Variants in TSHZ2 observed in about 807,000 individuals in gnomAD.
The protein encoded by TSHZ2 is teashirt homolog 2.
TSHZ2 carries 21 observed loss-of-function variants against 74.4 expected under a neutral mutation model. The ratio of observed to expected loss-of-function variants is 0.28; its 90% CI spans 0.20 to 0.41. TSHZ2 has a LOEUF of 0.41. TSHZ2 is among the 10% of genes least tolerant of loss of function. The pLI is 1.00. For missense variants in TSHZ2, 1,244 were observed against 1,293.5 expected, an observed-to-expected ratio of 0.96 and a Z score of 0.59; for synonymous variants, 540 against 515.3, an observed-to-expected ratio of 1.05 and a Z score of -0.65.
intron 1 of TSHZ2, among the ~76,000 whole-genome samples, chr20:53,105,446 A>T (rs1986334037): frequency 6.6e-6 from 1 of 152,060 alleles, no homozygotes; most frequent in African/African-American, 2.4e-5. Flanking sequence ...GATATTGCCA[A>T]ATGTCTCTTG....
chr20:52,995,611 CTTTTTTT>C (rs11469115), intron 1 of TSHZ2, among the ~76,000 whole-genome samples: 4 of 136,084 alleles, frequency 2.9e-5, no homozygotes, highest in Admixed American at 7.3e-5. Flanking sequence ...TTTTTCTTTC[CTTTTTTT>C]TTTTTTTTTT....
At position 53,254,853 on chromosome 20, in the gene TSHZ2, A is replaced by G; in HGVS notation, c.1395A>G (p.Lys465=). The change falls in exon 2 of 3, where the codon AAA becomes AAG. Residue 465 remains lysine, a synonymous_variant. Transcript: ENST00000371497. ...CAACTGAGTTAAAGAAAGAGAGTAA[A>G]AAAGAAAGGCCAGAGGAAACCAGCA... The part of the protein sequence containing the change: ...ASTTELKKES[K]KERPEETSKD... 6.2e-7 allele frequency: 1 copy of G among 1,614,138 alleles called. No homozygotes were observed. Among genetic ancestry groups the G allele is most frequent in the Non-Finnish European group, 8.5e-7 (1 of 1,180,024 alleles).
rs1337831594 is a variant in TSHZ2, at chr20:53,360,120, G to C, written c.*8+103549G>C. ...TTCATAGCCCTTGCTGAGTTTCTGT[G>C]CAATAGGAAAGCATCTTAATGAAAA... On this transcript the variant is annotated intron_variant, in intron 2 of 2. Coordinates refer to ENST00000371497, the MANE Select transcript of TSHZ2 (RefSeq NM_173485.6). 2.0e-5 allele frequency among the ~76,000 whole-genome samples: 3 copies of C among 152,192 alleles called. No homozygotes were observed. In the East Asian group the frequency reaches 5.8e-4, roughly 29 times the overall value.
chr20:53,190,093 A>G (rs1988693919), intron 1 of TSHZ2, among the ~76,000 whole-genome samples: 1 of 24,002 alleles, frequency 4.2e-5, no homozygotes. Context: ...TCAAATATAT[A>G]TATATATATA....
Position 53,484,382 on chromosome 20 carries a change from CTT to C in TSHZ2, c.*9-2742_*9-2741del, listed in dbSNP as rs10610067. On this transcript the variant is annotated intron_variant, in intron 2 of 2. Transcript: ENST00000371497. ...ACAAGTCACTTACTTTTATCTCTCTCTTTTTTTTTTTTTTTTTTTTTAAGACA... is the reference window on the plus strand; with the variant it reads ...ACAAGTCACTTACTTTTATCTCTCTCTTTTTTTTTTTTTTTTTTTAAGACA... Among the ~76,000 whole-genome samples the C allele has an allele frequency of 5.2e-3, 515 of 98,820 alleles. 4 individuals are homozygous for C. Among genetic ancestry groups the C allele is most frequent in the African/African-American group, 0.015 (388 of 25,326 alleles). 64.8% of individuals were successfully genotyped at this position (98,820 alleles called of 152,430 possible). A position where few individuals can be genotyped will look rare whatever the true frequency, so the allele number is the denominator to read the frequency against.
chr20:53,276,424 T>C (rs553767805), intron 2 of TSHZ2, among the ~76,000 whole-genome samples: 1 of 152,314 alleles, frequency 6.6e-6, no homozygotes, highest in Admixed American at 6.5e-5. Context: ...AGCAGCTGCG[T>C]AGATCTATCC....
At chr20:53,472,929 G>A (rs1015268454) in intron 2 of TSHZ2, among the ~76,000 whole-genome samples, 35 of 152,088 alleles carry the variant, frequency 2.3e-4, no homozygotes, top group Admixed American at 6.6e-4. Flanking sequence ...ACTCTCACCC[G>A]AATACTGCGC....
At chr20:53,055,509 C>T (rs1458604276) in intron 1 of TSHZ2, among the ~76,000 whole-genome samples, 2 of 152,114 alleles carry the variant, frequency 1.3e-5, no homozygotes, top group Non-Finnish European at 2.9e-5. Context: ...TGTAATCCTG[C>T]TGTTAGTTAT....
intron 1 of TSHZ2, among the ~76,000 whole-genome samples, chr20:53,056,636 T>C (rs1270746074): frequency 6.6e-6 from 1 of 152,186 alleles, no homozygotes; most frequent in African/African-American, 2.4e-5. Context: ...TATTCCTCCA[T>C]ACCAACTACA....
At chr20:53,352,006 A>G (rs1251519698) in intron 2 of TSHZ2, among the ~76,000 whole-genome samples, 1 of 152,336 alleles carries the variant, frequency 6.6e-6, no homozygotes, top group East Asian at 1.9e-4. Flanking sequence ...GACACATACT[A>G]TGTGCACCAT....
chr20:53,243,251 GAGA>G (rs1990114496), intron 1 of TSHZ2, among the ~76,000 whole-genome samples: 1 of 152,178 alleles, frequency 6.6e-6, no homozygotes. Context: ...AGGGAACAAG[GAGA>G]AGAATTTTCG....
intron 2 of TSHZ2, among the ~76,000 whole-genome samples, chr20:53,329,119 G>T (rs1479557921): frequency 6.6e-6 from 1 of 152,152 alleles, no homozygotes; most frequent in African/African-American, 2.4e-5. Flanking sequence ...TATAAACCAG[G>T]AATGTTTCTC....
chr20:53,244,545 A>T (rs2123701742), intron 1 of TSHZ2, among the ~76,000 whole-genome samples: 1 of 152,312 alleles, frequency 6.6e-6, no homozygotes, highest in South Asian at 2.1e-4. Context: ...TTCTCCATGA[A>T]TATTTTCTCA....
At chr20:53,125,707 C>T (rs891956353) in intron 1 of TSHZ2, among the ~76,000 whole-genome samples, 96 of 151,844 alleles carry the variant, frequency 6.3e-4, no homozygotes, top group Non-Finnish European at 4.9e-4. Context: ...ACCCAAACAC[C>T]TAATTATACA....
intron 2 of TSHZ2, among the ~76,000 whole-genome samples, chr20:53,271,234 G>GC (rs1990830615): frequency 6.6e-6 from 1 of 152,168 alleles, no homozygotes; most frequent in African/African-American, 2.4e-5. Context: ...CTGGAGTCTG[G>GC]CCCCAGGGCT....
rs1303379299 is a variant in TSHZ2 at position 53,255,270 on chromosome 20, A to G, written c.1812A>G (p.Ser604=). The G allele has an allele frequency of 6.2e-7, 1 of 1,614,256 alleles. No homozygotes were observed. The highest frequency in any genetic ancestry group is 2.2e-5 in the East Asian group (1 of 44,894). The change falls in exon 2 of 3, where the codon TCA becomes TCG. Residue 604 remains serine (S), a synonymous_variant. Transcript: ENST00000371497. This position sits in a 1 kb window ranked among gnomAD's most constrained non-coding sequence, Gnocchi z 4.1. The part of the protein sequence containing the change: ...LAPYTQVKKE[S]EDKDEAVKEC... Reference sequence around the variant, plus strand: ...CTTACACTCAAGTCAAGAAAGAGTCAGAAGACAAAGATGAAGCGGTGAAGG... The same window carrying G: ...CTTACACTCAAGTCAAGAAAGAGTCGGAAGACAAAGATGAAGCGGTGAAGG...
chr20:53,003,810 C>T (rs1568714736), intron 1 of TSHZ2, among the ~76,000 whole-genome samples: 1 of 152,136 alleles, frequency 6.6e-6, no homozygotes, highest in Non-Finnish European at 1.5e-5. Context: ...TCTTGGGGAC[C>T]TGGGATGTGC....
intron 1 of TSHZ2, among the ~76,000 whole-genome samples, chr20:53,003,308 T>C (rs1474076476): frequency 6.6e-6 from 1 of 150,972 alleles, no homozygotes. Context: ...AATTTTTTCC[T>C]AAATATTAAG....
At chr20:53,159,664 A>G (rs377019971) in intron 1 of TSHZ2, among the ~76,000 whole-genome samples, 2 of 151,464 alleles carry the variant, frequency 1.3e-5, no homozygotes, top group Admixed American at 1.3e-4. Flanking sequence ...AAAAAAAAAA[A>G]CAGGAAAACA....
Sources: gnomAD v4.1 joint callset for allele counts (sites outside exome capture counted in the v4.1 genomes callset) on GRCh38, gnomAD v4.1.1 for gene constraint, Gnocchi (gnomAD v3.1) non-coding constraint, MANE v1.5 for transcripts, NCBI Gene and HGNC (gene_info 2026-07-23, HGNC 2026-07-21) for gene names.